BRIP1: variants seen among roughly 807,000 people sequenced by gnomAD.
BRIP1 encodes the protein BRCA1 interacting DNA helicase 1.
A neutral mutation model predicts 119.7 loss-of-function variants in BRIP1; 88 were observed. The observed-to-expected ratio is 0.74, with a 90% confidence interval of 0.62 to 0.88. BRIP1 has a LOEUF of 0.88. Ranked by LOEUF, BRIP1 falls within the 40% of genes least tolerant of loss-of-function variation. The pLI is 0.00. For synonymous variants in BRIP1, 443 were observed against 496.5 expected, an observed-to-expected ratio of 0.89 and a Z score of 1.43; for missense variants, 1,259 against 1,455.4, an observed-to-expected ratio of 0.87 and a Z score of 2.20.
intron 10 of BRIP1, among the ~76,000 whole-genome samples, chr17:61,786,887 A>T (rs867772274): frequency 1.8e-3 from 213 of 117,524 alleles, no homozygotes; most frequent in South Asian, 0.015. Context: ...ATTAATATAT[A>T]AATATATTTT....
At position 61,766,514 on chromosome 17, in the gene BRIP1, A is replaced by G. The variant is rs143048724; in HGVS notation, c.2097+9887T>C. Among the ~76,000 whole-genome samples the G allele has an allele frequency of 2.4e-3, 365 of 152,316 alleles. 2 individuals carry two copies. Among genetic ancestry groups the G allele is most frequent in the African/African-American group, 8.3e-3 (346 of 41,578 alleles). ...TCAGCCTTCTACACGAGGGGAAAAA[A>G]AACACTTTTTAATGTAGCAATTTAG... On this transcript the variant is annotated intron_variant, in intron 14 of 19. Transcript: ENST00000259008.
In BRIP1 at chr17:61,846,731, A is replaced by T. The variant is rs1369584281; in HGVS notation, c.627+370T>A. Reference sequence around the variant, plus strand: ...TACAAAAATAATTTTCACCTCACAGATCACTCCCCAAAAAAATCTCAATAT... The same window carrying T: ...TACAAAAATAATTTTCACCTCACAGTTCACTCCCCAAAAAAATCTCAATAT... On this transcript the variant is annotated intron_variant, in intron 6 of 19. Coordinates refer to ENST00000259008, the MANE Select transcript of BRIP1 (RefSeq NM_032043.3). The surrounding 1 kb of genome is among the most constrained non-coding windows in gnomAD (Gnocchi z 4.3). Among the ~76,000 whole-genome samples, 1 of 152,132 alleles carries T rather than the reference A, an allele frequency of 6.6e-6. No individual in the cohort carries two copies. The highest frequency in any genetic ancestry group is 2.4e-5 in the African/African-American group (1 of 41,424).
chr17:61,787,122 A>G (rs1417546911), intron 10 of BRIP1, among the ~76,000 whole-genome samples: 2 of 111,980 alleles, frequency 1.8e-5, no homozygotes, highest in East Asian at 5.3e-4. Context: ...AATATATAAT[A>G]TATTATATAC....
rs2076901062 is a variant in BRIP1 at position 61,735,196 on chromosome 17, TCCC to T, written c.2379+7814_2379+7816del. On this transcript the variant is annotated intron_variant, in intron 16 of 19. Transcript: ENST00000259008. This position sits in a 1 kb window ranked among gnomAD's most constrained non-coding sequence, Gnocchi z 4.4. ...AGAGAGTCACAACTTTGTAATGCTC[TCCC>T]CTTAAGTGAGGGCAGAACCAGTGAT... Among the ~76,000 whole-genome samples the T allele has an allele frequency of 6.6e-6, 1 of 152,114 alleles. No individual in the cohort carries two copies. The highest frequency in any genetic ancestry group is 2.4e-5 in the African/African-American group (1 of 41,420).
At chr17:61,783,196 A>G (rs2077650000) in intron 11 of BRIP1, among the ~76,000 whole-genome samples, 1 of 152,234 alleles carries the variant, frequency 6.6e-6, no homozygotes, top group African/African-American at 2.4e-5. Context: ...TATACATACA[A>G]TGGAGTATTA....
Position 61,832,437 on chromosome 17 carries a change from A to G in BRIP1, c.627+14664T>C, listed in dbSNP as rs189609847. ...TTTATAAAGGCAAAAAGATAACTGTAAAGTTATATTTTTTACCTAGCAGAT... is the reference window on the plus strand; with the variant it reads ...TTTATAAAGGCAAAAAGATAACTGTGAAGTTATATTTTTTACCTAGCAGAT... On this transcript the variant is annotated intron_variant, in intron 6 of 19. Coordinates refer to ENST00000259008, the MANE Select transcript of BRIP1 (RefSeq NM_032043.3). This position sits in a 1 kb window ranked among gnomAD's most constrained non-coding sequence, Gnocchi z 5.5. 3.3e-5 allele frequency among the ~76,000 whole-genome samples: 5 copies of G among 152,364 alleles called. No homozygotes were observed. The East Asian group carries it at 7.7e-4, about 23-fold the overall frequency.
chr17:61,849,004 A>G, intron 5 of BRIP1, 125 bp downstream of exon 5: 1 of 1,076,762 alleles, frequency 9.3e-7, no homozygotes, highest in East Asian at 2.4e-5. Context: ...AATTACAACA[A>G]ATTATTAATT....
In BRIP1 at chr17:61,745,734, C is replaced by A. The variant is rs564032651; in HGVS notation, c.2098-1143G>T. ...AAAAACACAGTATAACTCATGAAAT[C>A]TTTAGTTATGAATAAGAAAAGCACT... On this transcript the variant is annotated intron_variant, in intron 14 of 19. Transcript: ENST00000259008. The surrounding 1 kb of genome is among the most constrained non-coding windows in gnomAD (Gnocchi z 4.4). Among the ~76,000 whole-genome samples, 1 of 152,180 alleles carries A rather than the reference C, an allele frequency of 6.6e-6. No individual in the cohort carries two copies. Among genetic ancestry groups the A allele is most frequent in the East Asian group, 1.9e-4 (1 of 5,180 alleles).
chr17:61,776,150 G>A lies in BRIP1; in HGVS notation c.2097+251C>T. 2.2e-6 allele frequency: 1 copy of A among 452,966 alleles called. No individual in the cohort carries two copies. The highest frequency in any genetic ancestry group is 4.4e-5 in the East Asian group (1 of 22,532). 28.1% of individuals were successfully genotyped at this position (452,966 alleles called of 1,614,324 possible). ...TCCCAGCTCAGCCTCCCAACCTGCT[G>A]GGATTACAAGCATGAGCCACCACGT... On this transcript the variant is annotated intron_variant, in intron 14 of 19. Transcript: ENST00000259008. This position sits in a 1 kb window ranked among gnomAD's most constrained non-coding sequence, Gnocchi z 5.0.
In BRIP1 at chr17:61,776,116, A is replaced by G. The variant is rs2077528590; in HGVS notation, c.2097+285T>C. 3 of 389,690 alleles carry G rather than the reference A, an allele frequency of 7.7e-6. No homozygotes were observed. Among genetic ancestry groups the G allele is most frequent in the African/African-American group, 2.1e-5 (1 of 48,526 alleles). 24.1% of individuals were successfully genotyped at this position (389,690 alleles called of 1,614,324 possible). On this transcript the variant is annotated intron_variant, in intron 14 of 19. Coordinates refer to ENST00000259008, the MANE Select transcript of BRIP1 (RefSeq NM_032043.3). The surrounding 1 kb of genome is among the most constrained non-coding windows in gnomAD (Gnocchi z 5.0). ...AGGCTGGTCTCGAACTCCTGGGCTC[A>G]AGTGATCCTCCCAGCTCAGCCTCCC...
At position 61,723,793 on chromosome 17, in the gene BRIP1, T is replaced by A. The variant is rs936886732; in HGVS notation, c.2380-7730A>T. Among the ~76,000 whole-genome samples the A allele has an allele frequency of 2.0e-5, 3 of 152,264 alleles. No homozygotes were observed. The East Asian group carries it at 5.8e-4, about 29-fold the overall frequency. On this transcript the variant is annotated intron_variant, in intron 16 of 19. Coordinates refer to ENST00000259008, the MANE Select transcript of BRIP1 (RefSeq NM_032043.3). ...TAGTGTATGTGTAATTTTGGAGGGG[T>A]GTGAAGAGCAGGAAAAAGACAAACT...
intron 10 of BRIP1, among the ~76,000 whole-genome samples, chr17:61,785,207 AAT>A (rs1189834300): frequency 6.6e-5 from 10 of 152,336 alleles, no homozygotes; most frequent in African/African-American, 2.2e-4. Flanking sequence ...TGCTGAGAAT[AAT>A]ATGACTACAT....
chr17:61,836,794 T>C (rs952570428), intron 6 of BRIP1, among the ~76,000 whole-genome samples: 1 of 152,222 alleles, frequency 6.6e-6, no homozygotes, highest in African/African-American at 2.4e-5. Context: ...GGACGAATCT[T>C]GAATAAATAA....
chr17:61,818,439 G>A (rs1029894550), intron 6 of BRIP1, among the ~76,000 whole-genome samples: 3 of 152,004 alleles, frequency 2.0e-5, no homozygotes, highest in African/African-American at 7.2e-5. Context: ...TTGTATTTGG[G>A]GCATTTAGAC....
Position 61,775,008 on chromosome 17 carries a change from A to G in BRIP1, c.2097+1393T>C, listed in dbSNP as rs1439463231. Among the ~76,000 whole-genome samples the G allele has an allele frequency of 6.6e-6, 1 of 152,192 alleles. No homozygotes were observed. The highest frequency in any genetic ancestry group is 1.5e-5 in the Non-Finnish European group (1 of 68,020). ...GCTTTAATCGCTTACATAACTGTGGAGTGAGTACAGTTTCCATAATCCCAT... is the reference window on the plus strand; with the variant it reads ...GCTTTAATCGCTTACATAACTGTGGGGTGAGTACAGTTTCCATAATCCCAT... On this transcript the variant is annotated intron_variant, in intron 14 of 19. Transcript: ENST00000259008. The surrounding 1 kb of genome is among the most constrained non-coding windows in gnomAD (Gnocchi z 4.4).
rs2061410416 is a variant in BRIP1 at position 61,689,219 on chromosome 17, T to C, written c.2576-3054A>G. On this transcript the variant is annotated intron_variant, in intron 18 of 19. Transcript: ENST00000259008. This position sits in a 1 kb window ranked among gnomAD's most constrained non-coding sequence, Gnocchi z 4.5. ...CCACCACACCCGGCTAATTGTCGTA[T>C]TTTTAGTAGAGGTGGGGTTTCACCA... Among the ~76,000 whole-genome samples the C allele has an allele frequency of 6.6e-6, 1 of 151,964 alleles. No homozygotes were observed. The highest frequency in any genetic ancestry group is 2.4e-5 in the African/African-American group (1 of 41,364).
At position 61,823,367 on chromosome 17, in the gene BRIP1, G is replaced by C. The variant is rs893374377; in HGVS notation, c.628-14610C>G. Among the ~76,000 whole-genome samples, 3 of 152,118 alleles carry C rather than the reference G, an allele frequency of 2.0e-5. No homozygotes were observed. Among genetic ancestry groups the C allele is most frequent in the Admixed American group, 2.0e-4 (3 of 15,276 alleles). On this transcript the variant is annotated intron_variant, in intron 6 of 19. Coordinates refer to ENST00000259008, the MANE Select transcript of BRIP1 (RefSeq NM_032043.3). The surrounding 1 kb of genome is among the most constrained non-coding windows in gnomAD (Gnocchi z 4.8). ...AAGATATATGAAACAGTACTTTTCA[G>C]ACACTGAATTGTGATCTCAGAGAAA...
In BRIP1 at chr17:61,798,744, A is replaced by G. The variant is rs2077939848; in HGVS notation, c.1340+356T>C. 6.6e-6 allele frequency among the ~76,000 whole-genome samples: 1 copy of G among 152,076 alleles called. No homozygotes were observed. The stretch of plus-strand genomic sequence containing the variant: ...AACTAGAATCCTATTTAAATTGGAG[A>G]ATAAAGCAATAAATTAAAGCCATGA... On this transcript the variant is annotated intron_variant, in intron 9 of 19. Transcript: ENST00000259008. The surrounding 1 kb of genome is among the most constrained non-coding windows in gnomAD (Gnocchi z 5.5).
Position 61,730,216 on chromosome 17 carries a change from T to A in BRIP1, c.2379+12797A>T, listed in dbSNP as rs894520745. ...TGATGTTGTAAACATGGAACAGCAATATCTACTACAGTTTATGTTATTTGA... is the reference window on the plus strand; with the variant it reads ...TGATGTTGTAAACATGGAACAGCAAAATCTACTACAGTTTATGTTATTTGA... On this transcript the variant is annotated intron_variant, in intron 16 of 19. Transcript: ENST00000259008. This position sits in a 1 kb window ranked among gnomAD's most constrained non-coding sequence, Gnocchi z 4.3. 6.6e-6 allele frequency among the ~76,000 whole-genome samples: 1 copy of A among 152,084 alleles called. No homozygotes were observed. The highest frequency in any genetic ancestry group is 1.5e-5 in the Non-Finnish European group (1 of 68,014).
Sources: gnomAD v4.1 joint callset for allele counts (sites outside exome capture counted in the v4.1 genomes callset) on GRCh38, gnomAD v4.1.1 for gene constraint, Gnocchi (gnomAD v3.1) non-coding constraint, MANE v1.5 for transcripts, NCBI Gene and HGNC (gene_info 2026-07-23, HGNC 2026-07-21) for gene names.